DPP4: variants seen among roughly 807,000 people sequenced by gnomAD.
DPP4 encodes ADCP-2.
DPP4 carries 93 observed loss-of-function variants against 122.4 expected under a neutral mutation model. That is an observed-to-expected ratio of 0.76 (90% CI 0.64 to 0.90). DPP4 has a LOEUF of 0.90. DPP4 is among the 40% of genes least tolerant of loss of function. The pLI is 0.00. For missense variants in DPP4, 914 were observed against 907.3 expected, an observed-to-expected ratio of 1.01 and a Z score of -0.09; for synonymous variants, 321 against 302.9, an observed-to-expected ratio of 1.06 and a Z score of -0.62.
At chr2:162,002,182 T>A (rs1701166119) in intron 23 of DPP4, among the ~76,000 whole-genome samples, 1 of 152,334 alleles carries the variant, frequency 6.6e-6, no homozygotes, top group South Asian at 2.1e-4. Context: ...GGGCACAGGC[T>A]GAACAACTGC....
rs574859071 is a variant in DPP4 at position 162,059,867 on chromosome 2, T to C, written c.95-12366A>G. On this transcript the variant is annotated intron_variant, in intron 2 of 25. Transcript: ENST00000360534. ...TAAAACAAACAAACAAAAAATGTTA[T>C]AAACATATAAAGAATAATAATTACG... is the stretch of plus-strand genomic sequence containing the variant. Among the ~76,000 whole-genome samples, 37 of 152,360 alleles carry C rather than the reference T, an allele frequency of 2.4e-4. 1 individual carries two copies. In the South Asian group the frequency reaches 4.8e-3, roughly 20 times the overall value.
chr2:161,994,945 C>G lies in DPP4; in HGVS notation c.2199+16G>C. ...CACCAGCAACTTCCCTCCCCTTGCA[C>G]AAAGTTTTTCTATACCATTGCCTGG... On this transcript the variant is annotated intron_variant, in intron 25 of 25. Coordinates refer to ENST00000360534, the MANE Select transcript of DPP4 (RefSeq NM_001935.4). 3.7e-6 allele frequency: 6 copies of G among 1,613,652 alleles called. No individual in the cohort carries two copies. Among genetic ancestry groups the G allele is most frequent in the Non-Finnish European group, 5.1e-6 (6 of 1,179,666 alleles).
intron 11 of DPP4, among the ~76,000 whole-genome samples, chr2:162,023,124 A>G (rs1683195553): frequency 6.6e-6 from 1 of 151,878 alleles, no homozygotes; most frequent in African/African-American, 2.4e-5. Context: ...AGTGGCACCT[A>G]TTCACCCAAG....
At chr2:162,042,590 T>A (rs1024359705) in intron 5 of DPP4, among the ~76,000 whole-genome samples, 7 of 151,296 alleles carry the variant, frequency 4.6e-5, no homozygotes, top group Non-Finnish European at 1.0e-4. Flanking sequence ...GTATATGCTG[T>A]ACAGAAAATT....
intron 2 of DPP4, 40 bp from the exon 3 acceptor site, chr2:162,047,541 T>C (rs200857639): frequency 7.2e-6 from 10 of 1,389,792 alleles, no homozygotes; most frequent in Admixed American, 1.8e-5. Flanking sequence ...TTCAGTAAGA[T>C]GGAATAACCT....
chr2:162,018,961 T>C, intron 15 of DPP4, 111 bp from the exon 16 acceptor site: 1 of 1,405,250 alleles, frequency 7.1e-7, no homozygotes, highest in Non-Finnish European at 9.6e-7. Flanking sequence ...AACGCAATCT[T>C]TAGGACTTTT....
intron 21 of DPP4, 120 bp from the exon 22 acceptor site, chr2:162,008,781 A>G (rs1701347811): frequency 1.2e-6 from 1 of 863,676 alleles, no homozygotes; most frequent in South Asian, 1.5e-5. Context: ...GATAAAAAGC[A>G]TGGTATAGGA....
At chr2:162,067,027 C>A (rs55866662) in intron 2 of DPP4, among the ~76,000 whole-genome samples, 1 of 27,800 alleles carries the variant, frequency 3.6e-5, no homozygotes. Context: ...ATCCCCCATA[C>A]CTTCAATAAC....
chr2:162,011,082 G>T (rs1004715339), intron 20 of DPP4, among the ~76,000 whole-genome samples: 1 of 151,938 alleles, frequency 6.6e-6, no homozygotes, highest in Non-Finnish European at 1.5e-5. Flanking sequence ...TAAAATATGG[G>T]GTAAGAACAC....
At chr2:162,065,701 C>T (rs987810331) in intron 2 of DPP4, among the ~76,000 whole-genome samples, 11 of 152,098 alleles carry the variant, frequency 7.2e-5, no homozygotes, top group Admixed American at 6.5e-4. Flanking sequence ...AATATTAAGA[C>T]CCATTAATTA....
At chr2:162,006,102 G>T (rs776036255) in intron 22 of DPP4, among the ~76,000 whole-genome samples, 5 of 152,118 alleles carry the variant, frequency 3.3e-5, no homozygotes, top group Non-Finnish European at 7.3e-5. Context: ...TTTCCCTTAC[G>T]ATGGGGCAAA....
intron 10 of DPP4, among the ~76,000 whole-genome samples, chr2:162,025,513 C>G (rs1683293359): frequency 6.6e-6 from 1 of 152,084 alleles, no homozygotes; most frequent in South Asian, 2.1e-4. Context: ...AAAACATGAA[C>G]TCTGCAAAGA....
intron 2 of DPP4, among the ~76,000 whole-genome samples, chr2:162,065,261 G>T (rs2106157270): frequency 6.6e-6 from 1 of 152,322 alleles, no homozygotes; most frequent in South Asian, 2.1e-4. Flanking sequence ...CCCTGATACA[G>T]CAGAACATGA....
rs147231116 is a variant in DPP4 at position 162,073,508 on chromosome 2, T to C, written c.7-22A>G. On this transcript the variant is annotated intron_variant, in intron 1 of 25. Coordinates refer to ENST00000360534, the MANE Select transcript of DPP4 (RefSeq NM_001935.4). Reference sequence around the variant, plus strand: ...GTGTCTGCAAGCCGAGCAGATCAAGTCCAATTAGAGGGAAGCGTGTGGCCC... The same window carrying C: ...GTGTCTGCAAGCCGAGCAGATCAAGCCCAATTAGAGGGAAGCGTGTGGCCC... 595 of 1,611,850 alleles carry C rather than the reference T, an allele frequency of 3.7e-4. 1 individual carries two copies. Among genetic ancestry groups the C allele is most frequent in the East Asian group, 2.1e-3 (93 of 44,850 alleles).
chr2:162,059,447 A>G (rs1684687761), intron 2 of DPP4, among the ~76,000 whole-genome samples: 1 of 152,124 alleles, frequency 6.6e-6, no homozygotes, highest in African/African-American at 2.4e-5. Context: ...TGACTAAATG[A>G]CTCACTGGCC....
intron 2 of DPP4, among the ~76,000 whole-genome samples, chr2:162,055,141 A>G (rs1684521795): frequency 1.3e-5 from 2 of 152,240 alleles, no homozygotes; most frequent in Admixed American, 6.5e-5. Context: ...GCATGAAACA[A>G]TTACATTGAG....
chr2:162,047,000 T>A lies in DPP4; in HGVS notation c.200A>T (p.Glu67Val), dbSNP rs755253532. The A allele has an allele frequency of 1.2e-5, 19 of 1,559,308 alleles. No individual in the cohort carries two copies. The South Asian group carries it at 1.8e-4, about 15-fold the overall frequency. Residue 67 changes from glutamate to valine, a missense_variant, in exon 4 of 26, where the codon GAA (glutamate) becomes GTA (valine). By Grantham distance (121) the Glu-to-Val change is moderately radical. Transcript: ENST00000360534. ...LYSLRWISDHEYLYKQENNIL... is the reference protein window; with the variant it reads ...LYSLRWISDHVYLYKQENNIL... ...ATTATTTTCTTGTTTGTAGAGATAT[T>A]CATGATCTAAAGAGAGAAAACACCC...
chr2:162,060,904 C>A (rs116959595), intron 2 of DPP4, among the ~76,000 whole-genome samples: 2,216 of 147,034 alleles, frequency 0.015, 14 homozygotes, highest in East Asian at 0.032. Flanking sequence ...CTTCCTCCTC[C>A]CTCCCTCCCT....
chr2:162,074,157 G>T lies in DPP4; in HGVS notation c.-176C>A. ...CGCCGAGCCCGCTGGGTATAAAGGC[G>T]CCGCGGGCAGGCTGCAGGGCAGGCG... On this transcript the variant is annotated 5_prime_UTR_variant, in exon 1 of 26. Coordinates refer to ENST00000360534, the MANE Select transcript of DPP4 (RefSeq NM_001935.4). 5 of 1,319,120 alleles carry T rather than the reference G, an allele frequency of 3.8e-6. No individual in the cohort carries two copies. The highest frequency in any genetic ancestry group is 4.8e-6 in the Non-Finnish European group (5 of 1,035,870). 81.7% of individuals were successfully genotyped at this position (1,319,120 alleles called of 1,614,324 possible).
Sources: allele counts gnomAD v4.1 joint callset (sites outside exome capture counted in the v4.1 genomes callset), GRCh38; gene constraint gnomAD v4.1.1; transcripts MANE v1.5; gene names NCBI Gene and HGNC (gene_info 2026-07-23, HGNC 2026-07-21).